The following ATP13A1 variants were observed in gnomAD, a reference collection of about 807,000 sequenced individuals.
ATP13A1 encodes the protein endoplasmic reticulum transmembrane helix translocase.
A neutral mutation model predicts 134.8 loss-of-function variants in ATP13A1; 55 were observed. That is an observed-to-expected ratio of 0.41 (90% CI 0.33 to 0.51). The LOEUF is 0.51. Ranked by LOEUF, ATP13A1 falls within the 20% of genes least tolerant of loss-of-function variation. ATP13A1 has a pLI of 0.29. For missense variants in ATP13A1, 1,389 were observed against 1,652.8 expected (o/e 0.84, Z 2.77); for synonymous variants, 775 against 725.1 (o/e 1.07, Z -1.10).
Position 19,656,716 on chromosome 19 carries a change from C to T in ATP13A1, c.1027G>A (p.Gly343Ser), listed in dbSNP as rs1413076010. The change falls in exon 7 of 26, where the codon GGC becomes AGC. Residue 343 changes from glycine (G) to serine (S), a missense_variant. Physicochemically the swap from Gly to Ser is moderately conservative, Grantham distance 56 (BLOSUM62 0). Transcript: ENST00000357324. This position sits in a 1 kb window ranked among gnomAD's most constrained non-coding sequence, Gnocchi z 4.6. ...ATGGCCTCGTCTACGATGCAGCGGCCTCGCAGCAGAAGCACGTCACATGGC... is the reference window on the plus strand; with the variant it reads ...ATGGCCTCGTCTACGATGCAGCGGCTTCGCAGCAGAAGCACGTCACATGGC... The part of the protein sequence containing the change: ...LVPCDVLLLR[G>S]RCIVDEAMLT... 1 of 1,613,826 alleles carries T rather than the reference C, an allele frequency of 6.2e-7. No homozygotes were observed. Among genetic ancestry groups the T allele is most frequent in the Non-Finnish European group, 8.5e-7 (1 of 1,179,888 alleles).
chr19:19,646,047 C>A, intron 23 of ATP13A1, 62 bp from the exon 24 acceptor site: 1 of 1,595,886 alleles, frequency 6.3e-7, no homozygotes, highest in Admixed American at 1.7e-5. Flanking sequence ...CACTGTGTGG[C>A]TTCCTGCTGC....
intron 1 of ATP13A1, among the ~76,000 whole-genome samples, chr19:19,661,292 C>T (rs2062093105): frequency 6.6e-6 from 1 of 152,162 alleles, no homozygotes; most frequent in African/African-American, 2.4e-5. Context: ...CGCCCCATCA[C>T]AGGCCCCCGG....
intron 1 of ATP13A1, 28 bp from the exon 2 acceptor site, chr19:19,660,015 C>T (rs1382671695): frequency 1.9e-6 from 3 of 1,540,650 alleles, no homozygotes; most frequent in African/African-American, 2.8e-5. Flanking sequence ...AGCATTGTGG[C>T]TTAGCTCTTC....
intron 17 of ATP13A1, chr19:19,651,379 TGAG>T: frequency 4.2e-6 from 1 of 236,086 alleles, no homozygotes; most frequent in East Asian, 8.3e-5. Flanking sequence ...AGGATGACAC[TGAG>T]GATGGGGAGT....
Position 19,647,424 on chromosome 19 carries a change from G to A in ATP13A1, c.2898C>T (p.Ser966=), listed in dbSNP as rs2061993314. 1 of 1,613,182 alleles carries A rather than the reference G, an allele frequency of 6.2e-7. No individual in the cohort carries two copies. Among genetic ancestry groups the A allele is most frequent in the African/African-American group, 1.3e-5 (1 of 75,036 alleles). The change falls in exon 21 of 26, where the codon TCC becomes TCT. Residue 966 remains serine (S), a synonymous_variant. Coordinates refer to ENST00000357324, the MANE Select transcript of ATP13A1 (RefSeq NM_020410.3). This position sits in a 1 kb window ranked among gnomAD's most constrained non-coding sequence, Gnocchi z 4.8. ...IAAPFTSKLS[S]IQCICHVIKQ... is the part of the protein sequence containing the mutation. ...GGGCAGGCAACTCACTGCACTGGAT[G>A]GATGAGAGCTTGGAGGTGAAGGGTG... is the stretch of plus-strand genomic sequence containing the variant.
intron 3 of ATP13A1, among the ~76,000 whole-genome samples, chr19:19,657,632 C>A (rs1474253293): frequency 6.6e-6 from 1 of 152,222 alleles, no homozygotes; most frequent in Non-Finnish European, 1.5e-5. Flanking sequence ...CCGCCCACAG[C>A]CCTCGGCTCT....
rs138424158 is a variant in ATP13A1, at chr19:19,655,338, G to A, written c.1512C>T (p.Ser504=). 4 of 1,613,994 alleles carry A rather than the reference G, an allele frequency of 2.5e-6. No homozygotes were observed. The highest frequency in any genetic ancestry group is 2.7e-5 in the African/African-American group (2 of 75,050). ...CACAGAGCTTGGCCAGGGCGATGAG[G>A]GAGGTGTTGACGGCCAGGGACAGCT... ...PIELSLAVNT[S]LIALAKLYMY... Residue 504 remains serine (S), a synonymous_variant, in exon 11 of 26, where the codon TCC becomes TCT. Coordinates refer to ENST00000357324, the MANE Select transcript of ATP13A1 (RefSeq NM_020410.3). This position sits in a 1 kb window ranked among gnomAD's most constrained non-coding sequence, Gnocchi z 5.7.
At chr19:19,651,478 C>T in intron 17 of ATP13A1, 2 of 459,296 alleles carry the variant, frequency 4.4e-6, no homozygotes, top group Non-Finnish European at 3.9e-6. Context: ...GGTAAATAAA[C>T]ACCTACATGC....
rs780095458 is a variant in ATP13A1, at chr19:19,655,833, G to C, written c.1269+45C>G. 20 of 1,550,858 alleles carry C rather than the reference G, an allele frequency of 1.3e-5. No individual in the cohort carries two copies. Among genetic ancestry groups the C allele is most frequent in the Non-Finnish European group, 1.6e-5 (18 of 1,153,206 alleles). On this transcript the variant is annotated intron_variant, in intron 9 of 25. Coordinates refer to ENST00000357324, the MANE Select transcript of ATP13A1 (RefSeq NM_020410.3). The surrounding 1 kb of genome is among the most constrained non-coding windows in gnomAD (Gnocchi z 5.7). ...GTCGGAAAGGGCTGATACCTTGGCT[G>C]TCCAACTGCCCTGGGGCCCGCCCTC...
chr19:19,658,914 G>A (rs942560679), intron 3 of ATP13A1, among the ~76,000 whole-genome samples: 4 of 114,340 alleles, frequency 3.5e-5, no homozygotes, highest in Non-Finnish European at 3.9e-5. Context: ...ACAAGCCTGG[G>A]CAACACGGCG....
intron 18 of ATP13A1, 31 bp from the exon 19 acceptor site, chr19:19,649,694 C>T (rs777126506): frequency 3.7e-6 from 6 of 1,613,450 alleles, no homozygotes; most frequent in Admixed American, 1.7e-5. Context: ...TGAGCAGGGG[C>T]TGCGTGCCTA....
At position 19,655,220 on chromosome 19, in the gene ATP13A1, G is replaced by A. The variant is rs761968449; in HGVS notation, c.1554C>T (p.Pro518=). Residue 518 remains proline (P), a synonymous_variant, in exon 12 of 26, where the codon CCC becomes CCT. Coordinates refer to ENST00000357324, the MANE Select transcript of ATP13A1 (RefSeq NM_020410.3). The surrounding 1 kb of genome is among the most constrained non-coding windows in gnomAD (Gnocchi z 5.7). ...LAKLYMYCTE[P]FRIPFAGKVE... ...CCTTGCCAGCAAAGGGGATCCGGAAGGGCTCTGTGCAGTACATGTCTAGGG... is the reference window on the plus strand; with the variant it reads ...CCTTGCCAGCAAAGGGGATCCGGAAAGGCTCTGTGCAGTACATGTCTAGGG... 2.0e-5 allele frequency: 32 copies of A among 1,614,018 alleles called. No individual in the cohort carries two copies. In the East Asian group the frequency reaches 6.7e-4, roughly 34 times the overall value.
Position 19,655,378 on chromosome 19 carries a change from G to A in ATP13A1, c.1472C>T (p.Pro491Leu). 1 of 1,614,012 alleles carries A rather than the reference G, an allele frequency of 6.2e-7. No homozygotes were observed. The highest frequency in any genetic ancestry group is 2.2e-5 in the East Asian group (1 of 44,886). ...CAGGGACAGCTCGATGGGCAGCTCA[G>A]GAGGCACGACCGAGGTGAGGATCAG... ...CTLILTSVVPPELPIELSLAV... is the reference protein window; with the variant it reads ...CTLILTSVVPLELPIELSLAV... Residue 491 changes from proline (P) to leucine (L), a missense_variant, in exon 11 of 26, where the codon CCT becomes CTT. Physicochemically the swap from Pro to Leu is moderately conservative, Grantham distance 98. This residue lies in a region of ATP13A1 where 747 missense variants were observed against 956.1 expected (regional missense o/e 0.78). Coordinates refer to ENST00000357324, the MANE Select transcript of ATP13A1 (RefSeq NM_020410.3). The surrounding 1 kb of genome is among the most constrained non-coding windows in gnomAD (Gnocchi z 5.7).
Position 19,652,735 on chromosome 19 carries a change from G to T in ATP13A1, c.2101-15C>A. The T allele has an allele frequency of 6.3e-7, 1 of 1,595,328 alleles. No homozygotes were observed. The highest frequency in any genetic ancestry group is 1.7e-5 in the Admixed American group (1 of 58,510). On this transcript the variant is annotated splice_polypyrimidine_tract_variant and intron_variant, in intron 15 of 25. Transcript: ENST00000357324. ...ACCTCCCGGGCCTGCGGACAGACAG[G>T]GGCACCCTCACCATCTGTCCCTCCC...
At chr19:19,654,191 G>A (rs1232583541) in intron 13 of ATP13A1, 47 bp from the exon 14 acceptor site, 3 of 1,529,596 alleles carry the variant, frequency 2.0e-6, no homozygotes, top group Non-Finnish European at 2.7e-6. Context: ...CTCCAAAGAG[G>A]CAGCCAAGCC....
rs780626404 is a variant in ATP13A1 at position 19,647,374 on chromosome 19, G to A, written c.2908+40C>T. ...TGTGGGTGTGGGTAGGGGTGCCAAG[G>A]GGGGAATGAAGGGAGGGGGAGCGGG... On this transcript the variant is annotated intron_variant, in intron 21 of 25. Transcript: ENST00000357324. This position sits in a 1 kb window ranked among gnomAD's most constrained non-coding sequence, Gnocchi z 4.8. 12 of 1,607,202 alleles carry A rather than the reference G, an allele frequency of 7.5e-6. No homozygotes were observed. The highest frequency in any genetic ancestry group is 5.0e-5 in the Admixed American group (3 of 59,796).
chr19:19,659,761 C>T lies in ATP13A1; in HGVS notation c.517G>A (p.Glu173Lys), dbSNP rs375751820. The T allele has an allele frequency of 3.7e-5, 60 of 1,613,708 alleles. No individual in the cohort carries two copies. Among genetic ancestry groups the T allele is most frequent in the East Asian group, 6.7e-5 (3 of 44,880 alleles). ...TAGGAATACTTGATCTTCTGGAATTCGAAGGACAGCACCTCAAGCCCGTCT... is the reference window on the plus strand; with the variant it reads ...TAGGAATACTTGATCTTCTGGAATTTGAAGGACAGCACCTCAAGCCCGTCT... Reference protein sequence around the residue: ...GEDGLEVLSFEFQKIKYSYDA... With the variant: ...GEDGLEVLSFKFQKIKYSYDA... Residue 173 changes from glutamate (E) to lysine (K), a missense_variant, in exon 3 of 26, where the codon GAA becomes AAA. Physicochemically the swap from Glu to Lys is moderately conservative, Grantham distance 56. Around this residue, in one of 4 missense-constraint regions of ATP13A1, gnomAD observed 293 missense variants for 270.8 expected, o/e 1.08. Coordinates refer to ENST00000357324, the MANE Select transcript of ATP13A1 (RefSeq NM_020410.3).
In ATP13A1 at chr19:19,647,048, G is replaced by A. The variant is rs896455893; in HGVS notation, c.3105+81C>T. ...TGGGGCCCTGGGTCCTGTAACTTGG[G>A]GATGACAATTCCCGTGCCTATATCA... On this transcript the variant is annotated intron_variant, in intron 22 of 25. Transcript: ENST00000357324. The surrounding 1 kb of genome is among the most constrained non-coding windows in gnomAD (Gnocchi z 4.8). 7.0e-6 allele frequency: 10 copies of A among 1,437,730 alleles called. No individual in the cohort carries two copies. In the Admixed American group the frequency reaches 1.8e-4, roughly 25 times the overall value. The allele number at this position is 1,437,730 out of a possible 1,614,324, so 89.1% of individuals were successfully genotyped here.
chr19:19,663,577 C>A lies in ATP13A1; in HGVS notation c.90G>T (p.Pro30=). 1.3e-6 allele frequency: 2 copies of A among 1,496,408 alleles called. No individual in the cohort carries two copies. Among genetic ancestry groups the A allele is most frequent in the Non-Finnish European group, 1.8e-6 (2 of 1,131,648 alleles). 92.7% of individuals were successfully genotyped at this position (1,496,408 alleles called of 1,614,324 possible). Residue 30 remains proline, a synonymous_variant, in exon 1 of 26, where the codon CCG becomes CCT. Coordinates refer to ENST00000357324, the MANE Select transcript of ATP13A1 (RefSeq NM_020410.3). ...CGGCGGCAAGGAGCGCGCGCGGCTG[C>A]GGCCCGGGCTTGGGCTGCCCGTCAG... is the stretch of plus-strand genomic sequence containing the variant. ...VRPDGQPKPG[P]QPRALLAAGP... is the part of the protein sequence containing the mutation.
Sources: gnomAD v4.1 joint callset for allele counts (sites outside exome capture counted in the v4.1 genomes callset) on GRCh38, gnomAD v4.1.1 for gene constraint, gnomAD v4.1.1 regional missense constraint, Gnocchi (gnomAD v3.1) non-coding constraint, MANE v1.5 for transcripts, NCBI Gene and HGNC (gene_info 2026-07-23, HGNC 2026-07-21) for gene names.